ANO2: variants seen among roughly 807,000 people sequenced by gnomAD.
The protein encoded by ANO2 is anoctamin 2, also known as anoctamin-2.
In ANO2, 101 loss-of-function variants were observed where a neutral mutation model predicts 124.2. The observed-to-expected ratio is 0.81, with a 90% CI of 0.69 to 0.96. The LOEUF is 0.96. Among genes scored for constraint, ANO2 ranks in the 40% least tolerant of loss-of-function variants. The pLI is 0.00. For missense variants in ANO2, 1,293 were observed against 1,274.5 expected, an observed-to-expected ratio of 1.01 and a Z score of -0.22; for synonymous variants, 486 against 482.5, an observed-to-expected ratio of 1.01 and a Z score of -0.09.
At chr12:5,777,389 G>A (rs1209165205) in intron 10 of ANO2, among the ~76,000 whole-genome samples, 1 of 151,382 alleles carries the variant, frequency 6.6e-6, no homozygotes, top group Non-Finnish European at 1.5e-5. Flanking sequence ...CAAGGTCATT[G>A]GGAGCAAAGG....
chr12:5,719,077 G>T (rs1416883639), intron 14 of ANO2, among the ~76,000 whole-genome samples: 2 of 152,204 alleles, frequency 1.3e-5, no homozygotes, highest in South Asian at 4.1e-4. Flanking sequence ...ATTGCTGATT[G>T]TCTGACTAGA....
intron 1 of ANO2, among the ~76,000 whole-genome samples, chr12:5,941,822 C>T (rs1421186733): frequency 1.3e-5 from 2 of 152,084 alleles, no homozygotes; most frequent in Admixed American, 6.5e-5. Context: ...GCTAGCTTCT[C>T]GTCAAAACAA....
chr12:5,623,882 G>T (rs1945254665), intron 16 of ANO2, among the ~76,000 whole-genome samples: 1 of 152,196 alleles, frequency 6.6e-6, no homozygotes. Flanking sequence ...GGAATGGGGG[G>T]TGGGTGGAGG....
chr12:5,776,299 G>A (rs1162733391), intron 10 of ANO2, among the ~76,000 whole-genome samples: 1 of 152,214 alleles, frequency 6.6e-6, no homozygotes, highest in Non-Finnish European at 1.5e-5. Flanking sequence ...TCAGAGCCAA[G>A]CAGCTGTGAT....
At chr12:5,647,980 A>G (rs1041015326) in intron 14 of ANO2, among the ~76,000 whole-genome samples, 179 bp from the exon 15 acceptor site, 4 of 152,182 alleles carry the variant, frequency 2.6e-5, no homozygotes, top group Admixed American at 2.6e-4. Flanking sequence ...TAATTTCTAG[A>G]TAAGTTGGCA....
At chr12:5,729,520 G>C (rs1950554640) in intron 14 of ANO2, among the ~76,000 whole-genome samples, 1 of 152,184 alleles carries the variant, frequency 6.6e-6, no homozygotes, top group African/African-American at 2.4e-5. Context: ...GTGTTGGTGA[G>C]GATGTGGAGA....
chr12:5,927,781 G>T (rs1488176199), intron 1 of ANO2, among the ~76,000 whole-genome samples: 4 of 152,250 alleles, frequency 2.6e-5, no homozygotes, highest in Non-Finnish European at 5.9e-5. Context: ...TCTCTAATGG[G>T]GTGAGAGGAA....
chr12:5,774,754 C>T (rs1246490270), intron 10 of ANO2, among the ~76,000 whole-genome samples: 4 of 152,150 alleles, frequency 2.6e-5, no homozygotes, highest in Admixed American at 6.5e-5. Context: ...TCCTGAACTT[C>T]CAAAGCCCAG....
chr12:5,934,336 C>G (rs911300451), intron 1 of ANO2, among the ~76,000 whole-genome samples: 3 of 152,210 alleles, frequency 2.0e-5, no homozygotes, highest in Non-Finnish European at 4.4e-5. Flanking sequence ...AAATCCCTTC[C>G]TGGCTGGACA....
chr12:5,730,518 G>T (rs1950592532), intron 14 of ANO2, among the ~76,000 whole-genome samples: 1 of 152,120 alleles, frequency 6.6e-6, no homozygotes, highest in Non-Finnish European at 1.5e-5. Flanking sequence ...TGATCTTCTG[G>T]GGTGAGACAA....
chr12:5,878,513 A>G lies in ANO2; in HGVS notation c.535-24372T>C, dbSNP rs959844155. Among the ~76,000 whole-genome samples the G allele has an allele frequency of 7.2e-5, 11 of 152,252 alleles. 1 individual carries two copies. Among genetic ancestry groups the G allele is most frequent in the Admixed American group, 6.5e-4 (10 of 15,284 alleles). ...TGATAAATTCATTGATTCACTAATT[A>G]TAAGATAGATGCATGCCCCTGACAT... On this transcript the variant is annotated intron_variant, in intron 3 of 24. Coordinates refer to ENST00000682330, the MANE Select transcript of ANO2 (RefSeq NM_001364791.2).
At chr12:5,919,810 G>C (rs1941592338) in intron 3 of ANO2, among the ~76,000 whole-genome samples, 4 of 152,012 alleles carry the variant, frequency 2.6e-5, no homozygotes, top group Admixed American at 2.0e-4. Flanking sequence ...CCATTCTCCT[G>C]CCTCAGCCTC....
At position 5,893,143 on chromosome 12, in the gene ANO2, A is replaced by G. The variant is rs115760314; in HGVS notation, c.534+27897T>C. ...ATCTAAGAAACCATAACATTTCTAGAATATAATATCAGAAAACTCTTCTGG... is the reference window on the plus strand; with the variant it reads ...ATCTAAGAAACCATAACATTTCTAGGATATAATATCAGAAAACTCTTCTGG... On this transcript the variant is annotated intron_variant, in intron 3 of 24. Coordinates refer to ENST00000682330, the MANE Select transcript of ANO2 (RefSeq NM_001364791.2). 5.4e-3 allele frequency among the ~76,000 whole-genome samples: 825 copies of G among 152,304 alleles called. 6 individuals carry two copies. Among genetic ancestry groups the G allele is most frequent in the African/African-American group, 0.019 (801 of 41,590 alleles).
At chr12:5,645,313 C>CG (rs1309984220) in intron 15 of ANO2, among the ~76,000 whole-genome samples, 3 of 151,924 alleles carry the variant, frequency 2.0e-5, no homozygotes, top group East Asian at 1.9e-4. Flanking sequence ...CGCTTGAACC[C>CG]GGGGGGCGGA....
In ANO2 at chr12:5,635,243, T is replaced by A. The variant is rs1188654205; in HGVS notation, c.1725A>T (p.Thr575=). ...NKATRSNVRV[T]VTATAVIINL... ...TGATGATGACTGCTGTTGCTGTCAC[T>A]GTCACCCGGACATTGGAGCGTGTAG... The change falls in exon 16 of 25, where the codon ACA becomes ACT. Residue 575 remains threonine (T), a synonymous_variant. Coordinates refer to ENST00000682330, the MANE Select transcript of ANO2 (RefSeq NM_001364791.2). This position sits in a 1 kb window ranked among gnomAD's most constrained non-coding sequence, Gnocchi z 5.2. 6.2e-7 allele frequency: 1 copy of A among 1,613,056 alleles called. No homozygotes were observed. The highest frequency in any genetic ancestry group is 8.5e-7 in the Non-Finnish European group (1 of 1,179,704).
At chr12:5,617,339 G>A (rs530651923) in intron 16 of ANO2, among the ~76,000 whole-genome samples, 161 of 150,934 alleles carry the variant, frequency 1.1e-3, no homozygotes, top group African/African-American at 3.1e-3. Flanking sequence ...AGCTCACACC[G>A]TACCACACCT....
At position 5,565,691 on chromosome 12, in the gene ANO2, A is replaced by G. The variant is rs550425149; in HGVS notation, c.2622-28T>C. ...GCCCAAAGAGAAATGTGGTGTTAAGATCAGGAGCGCATGGAGAAAAGGGTG... is the reference window on the plus strand; with the variant it reads ...GCCCAAAGAGAAATGTGGTGTTAAGGTCAGGAGCGCATGGAGAAAAGGGTG... On this transcript the variant is annotated intron_variant, in intron 23 of 24. Transcript: ENST00000682330. 1.4e-4 allele frequency: 219 copies of G among 1,539,004 alleles called. 2 individuals carry two copies. In the South Asian group the frequency reaches 2.5e-3, roughly 17 times the overall value.
At chr12:5,805,572 T>C (rs1261059358) in intron 9 of ANO2, among the ~76,000 whole-genome samples, 1 of 152,130 alleles carries the variant, frequency 6.6e-6, no homozygotes, top group Non-Finnish European at 1.5e-5. Flanking sequence ...AAGAATCACC[T>C]AAAGTTGACC....
intron 4 of ANO2, among the ~76,000 whole-genome samples, chr12:5,844,839 G>GTGTTTGTGTGTT (rs1555172477): frequency 3.3e-5 from 5 of 150,978 alleles, no homozygotes; most frequent in African/African-American, 1.2e-4. Context: ...CAGTTTTTGT[G>GTGTTTGTGTGTT]TGTTTGTTTG....
Sources: allele counts gnomAD v4.1 joint callset (sites outside exome capture counted in the v4.1 genomes callset), GRCh38; gene constraint gnomAD v4.1.1; non-coding constraint Gnocchi (gnomAD v3.1); transcripts MANE v1.5; gene names NCBI Gene and HGNC (gene_info 2026-07-23, HGNC 2026-07-21).